Variants in SLCO2A1 observed in about 807,000 individuals in gnomAD.
SLCO2A1 encodes solute carrier organic anion transporter family member 2A1, also known as matrin F/G 1.
SLCO2A1 carries 60 observed loss-of-function variants against 71.7 expected under a neutral mutation model. The observed-to-expected ratio is 0.84, with a 90% CI of 0.68 to 1.04. The LOEUF (loss-of-function observed/expected upper bound fraction) is 1.04, where lower values mean the gene tolerates loss of function less well. SLCO2A1 is among the 50% of genes least tolerant of loss of function. The pLI is 0.00. For missense variants in SLCO2A1, 745 were observed against 813.4 expected (o/e 0.92, Z 1.02); for synonymous variants, 308 against 326.7 (o/e 0.94, Z 0.62).
intron 13 of SLCO2A1, 62 bp from the exon 14 acceptor site, chr3:133,934,892 C>G: frequency 7.5e-7 from 1 of 1,335,960 alleles, no homozygotes; most frequent in Non-Finnish European, 1.1e-6. Flanking sequence ...ATCCCAGGGC[C>G]AGGACCACTG....
chr3:133,960,870 C>T (rs1039651549), intron 3 of SLCO2A1, among the ~76,000 whole-genome samples: 1 of 151,722 alleles, frequency 6.6e-6, no homozygotes, highest in Non-Finnish European at 1.5e-5. Flanking sequence ...TGAGAAGAAT[C>T]GACAGGCATA....
rs552553862 is a variant in SLCO2A1, at chr3:133,933,865, T to C, written c.*848A>G. The C allele has an allele frequency of 6.6e-6, 1 of 152,314 alleles. No homozygotes were observed. Among genetic ancestry groups the C allele is most frequent in the South Asian group, 2.1e-4 (1 of 4,820 alleles). 9.4% of individuals were successfully genotyped at this position (152,314 alleles called of 1,614,324 possible). On this transcript the variant is annotated 3_prime_UTR_variant, in exon 14 of 14. Coordinates refer to ENST00000310926, the MANE Select transcript of SLCO2A1 (RefSeq NM_005630.3). ...GAGATGAGGGGGTCTCGTCCCCACA[T>C]TGAAGGGGTGGGAGGTTGGGCATCA... is the stretch of plus-strand genomic sequence containing the variant.
chr3:133,953,880 G>A, intron 4 of SLCO2A1, 119 bp from the exon 5 acceptor site: 1 of 736,584 alleles, frequency 1.4e-6, no homozygotes, highest in Non-Finnish European at 2.4e-6. Flanking sequence ...AGCCTGATAA[G>A]CCCACACCTG....
At chr3:133,939,962 C>CT (rs752743899) in intron 11 of SLCO2A1, among the ~76,000 whole-genome samples, 1,129 of 106,278 alleles carry the variant, frequency 0.011, 13 homozygotes, top group African/African-American at 0.024. Context: ...ACAAAGTCAT[C>CT]TTTTTTTTTT....
chr3:134,001,372 A>G (rs1321468470), intron 1 of SLCO2A1, among the ~76,000 whole-genome samples: 1 of 152,060 alleles, frequency 6.6e-6, no homozygotes, highest in Non-Finnish European at 1.5e-5. Context: ...CAGCCTCCCA[A>G]AGTGCTGGGA....
chr3:134,021,074 G>C (rs1004570996), intron 1 of SLCO2A1, among the ~76,000 whole-genome samples: 11 of 151,786 alleles, frequency 7.2e-5, no homozygotes, highest in Non-Finnish European at 1.2e-4. Context: ...TTGATACTTT[G>C]GTTTTGGTTT....
chr3:134,023,153 C>CAAACAAAA lies in SLCO2A1; in HGVS notation c.96+6553_96+6554insTTTTGTTT, dbSNP rs1316161826. ...ACAAACAAACAAACAAACAAACAAA[C>CAAACAAAA]AAAAGAATGGACTCATTACACCCGA... is the stretch of plus-strand genomic sequence containing the variant. On this transcript the variant is annotated intron_variant, in intron 1 of 13. Coordinates refer to ENST00000310926, the MANE Select transcript of SLCO2A1 (RefSeq NM_005630.3). Among the ~76,000 whole-genome samples the CAAACAAAA allele has an allele frequency of 8.2e-4, 58 of 71,118 alleles. 1 individual carries two copies. Among genetic ancestry groups the CAAACAAAA allele is most frequent in the African/African-American group, 1.7e-3 (49 of 28,706 alleles). The allele number at this position is 71,118 out of a possible 152,430, so 46.7% of individuals were successfully genotyped here. A position where few individuals can be genotyped will look rare whatever the true frequency, so the allele number is the denominator to read the frequency against.
intron 11 of SLCO2A1, among the ~76,000 whole-genome samples, chr3:133,941,577 G>A (rs1303017081): frequency 6.6e-6 from 1 of 151,956 alleles, no homozygotes; most frequent in Non-Finnish European, 1.5e-5. Context: ...GGTGAATTTG[G>A]TACAAATGTT....
chr3:133,948,035 G>T (rs1403152947), intron 8 of SLCO2A1, among the ~76,000 whole-genome samples: 5 of 152,176 alleles, frequency 3.3e-5, no homozygotes, highest in African/African-American at 9.7e-5. Flanking sequence ...CAGAGATTCT[G>T]GTTTCGTTAA....
At chr3:133,974,949 C>A (rs1402733338) in intron 2 of SLCO2A1, among the ~76,000 whole-genome samples, 4 of 152,240 alleles carry the variant, frequency 2.6e-5, no homozygotes, top group Non-Finnish European at 5.9e-5. Context: ...TCCTCATTGG[C>A]AAATGTACTG....
At chr3:133,982,447 G>A (rs113342146) in intron 1 of SLCO2A1, among the ~76,000 whole-genome samples, 4 of 152,260 alleles carry the variant, frequency 2.6e-5, no homozygotes, top group African/African-American at 9.6e-5. Context: ...CCACTCCACT[G>A]TCTGCTAGAC....
intron 1 of SLCO2A1, among the ~76,000 whole-genome samples, chr3:134,021,796 A>C (rs1460569018): frequency 6.7e-6 from 1 of 148,694 alleles, no homozygotes. Context: ...AGCCAAGGTA[A>C]ATTTAAAACC....
intron 3 of SLCO2A1, among the ~76,000 whole-genome samples, chr3:133,960,112 T>C (rs1197789747): frequency 6.7e-6 from 1 of 148,564 alleles, no homozygotes; most frequent in Non-Finnish European, 1.5e-5. Context: ...AGAGCGAGAC[T>C]CCGTCTCAAA....
At chr3:133,965,403 C>G (rs574622548) in intron 3 of SLCO2A1, among the ~76,000 whole-genome samples, 1 of 152,210 alleles carries the variant, frequency 6.6e-6, no homozygotes, top group South Asian at 2.1e-4. Context: ...CTGCTCTGAG[C>G]GCATGCCACT....
chr3:133,947,306 C>A lies in SLCO2A1; in HGVS notation c.1245G>T (p.Leu415Phe). 3 of 1,614,072 alleles carry A rather than the reference C, an allele frequency of 1.9e-6. No homozygotes were observed. The highest frequency in any genetic ancestry group is 2.5e-6 in the Non-Finnish European group (3 of 1,180,012). ...TTGGGGTGGAGCATCCCATGAAGAA[C>A]AAAGGAACACAAAGGATCATGGAGA... ...ITISMILCVP[L>F]FFMGCSTPTV... The change falls in exon 9 of 14, where the codon TTG becomes TTT. Residue 415 changes from leucine to phenylalanine, a missense_variant. Coordinates refer to ENST00000310926, the MANE Select transcript of SLCO2A1 (RefSeq NM_005630.3).
Position 133,951,048 on chromosome 3 carries a change from A to G in SLCO2A1, c.861+160T>C, listed in dbSNP as rs921855671. On this transcript the variant is annotated intron_variant, in intron 6 of 13. Coordinates refer to ENST00000310926, the MANE Select transcript of SLCO2A1 (RefSeq NM_005630.3). ...CTTTTGGAAATTCACCAACACCCTC[A>G]CCTCTTAAAGCCTCTGGGAAGTCCT... The G allele has an allele frequency of 4.4e-6, 4 of 916,966 alleles. No individual in the cohort carries two copies. In the African/African-American group the frequency reaches 6.6e-5, roughly 15 times the overall value. 56.8% of individuals were successfully genotyped at this position (916,966 alleles called of 1,614,324 possible). A position where few individuals can be genotyped will look rare whatever the true frequency, so the allele number is the denominator to read the frequency against.
At chr3:133,993,839 T>G (rs1386379189) in intron 1 of SLCO2A1, among the ~76,000 whole-genome samples, 2 of 152,224 alleles carry the variant, frequency 1.3e-5, no homozygotes, top group Non-Finnish European at 2.9e-5. Flanking sequence ...TACTCTTTGT[T>G]CTAATAATAG....
intron 3 of SLCO2A1, among the ~76,000 whole-genome samples, chr3:133,956,819 T>A (rs1010882866): frequency 2.3e-4 from 35 of 152,356 alleles, no homozygotes; most frequent in Non-Finnish European, 4.7e-4. Context: ...CCCTAATTTA[T>A]AAAACGTTTG....
intron 8 of SLCO2A1, 32 bp downstream of exon 8, chr3:133,948,504 C>T: frequency 6.3e-7 from 1 of 1,593,886 alleles, no homozygotes; most frequent in Non-Finnish European, 8.6e-7. Context: ...CCAGGCAAGC[C>T]CTGCGGATCC....
Sources: gnomAD v4.1 joint callset for allele counts (sites outside exome capture counted in the v4.1 genomes callset) on GRCh38, gnomAD v4.1.1 for gene constraint, MANE v1.5 for transcripts, NCBI Gene and HGNC (gene_info 2026-07-23, HGNC 2026-07-21) for gene names.